Variants in GPNMB observed in about 807,000 individuals in gnomAD.
The protein encoded by GPNMB is transmembrane glycoprotein NMB.
Under a neutral mutation model 57.3 loss-of-function variants are expected in GPNMB, and 71 were observed. That is an observed-to-expected ratio of 1.24 (90% CI 1.02 to 1.51). The LOEUF (loss-of-function observed/expected upper bound fraction) is 1.51. GPNMB is among the 40% of genes most tolerant of loss of function. GPNMB has a pLI of 0.00. For missense variants in GPNMB, 677 were observed against 691.9 expected, an observed-to-expected ratio of 0.98 and a Z score of 0.24; for synonymous variants, 253 against 263.2, an observed-to-expected ratio of 0.96 and a Z score of 0.38.
At chr7:23,268,102 T>A in intron 8 of GPNMB, 114 bp downstream of exon 8, 3 of 692,472 alleles carry the variant, frequency 4.3e-6, no homozygotes, top group Non-Finnish European at 2.6e-6. Flanking sequence ...TCCTATTGAT[T>A]TGAATTCCTA....
Position 23,270,142 on chromosome 7 carries a change from C to T in GPNMB, c.1396C>T (p.Leu466Phe), listed in dbSNP as rs567337488. The change falls in exon 9 of 11, where the codon CTC (leucine) becomes TTC (phenylalanine). Residue 466 changes from leucine to phenylalanine, a missense_variant. Coordinates refer to ENST00000258733, the MANE Select transcript of GPNMB (RefSeq NM_002510.3). The stretch of plus-strand genomic sequence containing the variant: ...CCTGGGGGATGACACAAGCCTGGCT[C>T]TCACGAGCACCCTGATTTCTGTTCC... ...LTLGDDTSLA[L>F]TSTLISVPDR... 1.2e-6 allele frequency: 2 copies of T among 1,614,188 alleles called. No individual in the cohort carries two copies.
intron 7 of GPNMB, among the ~76,000 whole-genome samples, chr7:23,267,616 C>T (rs996159556): frequency 3.3e-5 from 5 of 152,132 alleles, no homozygotes; most frequent in African/African-American, 1.2e-4. Flanking sequence ...TGGCAGATAG[C>T]AGTCTTCTTG....
rs35363287 is a variant in GPNMB, at chr7:23,260,726, C to A, written c.971C>A (p.Pro324Gln). 4 of 1,592,020 alleles carry A rather than the reference C, an allele frequency of 2.5e-6. No individual in the cohort carries two copies. Among genetic ancestry groups the A allele is most frequent in the Non-Finnish European group, 2.6e-6 (3 of 1,166,038 alleles). ...TVKAAAPGPC[P>Q]PPPPPPRPSK... The stretch of plus-strand genomic sequence containing the variant: ...AAAGCTGCAGCACCAGGACCTTGTC[C>A]GCCACCGCCACCACCACCCAGACCT... The change falls in exon 6 of 11, where the codon CCG becomes CAG. Residue 324 changes from proline (P) to glutamine (Q), a missense_variant. Coordinates refer to ENST00000258733, the MANE Select transcript of GPNMB (RefSeq NM_002510.3).
Position 23,274,427 on chromosome 7 carries a change from G to A in GPNMB, c.*203G>A, listed in dbSNP as rs1343815865. 1 of 469,318 alleles carries A rather than the reference G, an allele frequency of 2.1e-6. No individual in the cohort carries two copies. Among genetic ancestry groups the A allele is most frequent in the Non-Finnish European group, 3.7e-6 (1 of 267,680 alleles). The allele number at this position is 469,318 out of a possible 1,614,324, so 29.1% of individuals were successfully genotyped here. On this transcript the variant is annotated 3_prime_UTR_variant, in exon 11 of 11. Coordinates refer to ENST00000258733, the MANE Select transcript of GPNMB (RefSeq NM_002510.3). ...GCAGCTTCAGCCATGTTGTGAAACT[G>A]ATAAAAGCAACTTAGCAAGGCTTCT...
chr7:23,247,055 A>G (rs1337066283), intron 1 of GPNMB, 128 bp downstream of exon 1: 3 of 737,760 alleles, frequency 4.1e-6, no homozygotes, highest in African/African-American at 3.4e-5. Flanking sequence ...TGGCTCACTC[A>G]TCTCTTCTTC....
intron 6 of GPNMB, among the ~76,000 whole-genome samples, chr7:23,265,398 TTC>T (rs1178199470): frequency 6.6e-6 from 1 of 152,248 alleles, no homozygotes; most frequent in Non-Finnish European, 1.5e-5. Flanking sequence ...TATCGTTATT[TTC>T]TTTCTAGATT....
In GPNMB at chr7:23,270,135, C is replaced by T; in HGVS notation, c.1389C>T (p.Ser463=). Residue 463 remains serine, a synonymous_variant, in exon 9 of 11, where the codon AGC becomes AGT. Transcript: ENST00000258733. The part of the protein sequence containing the change: ...CVNLTLGDDT[S]LALTSTLISV... Reference sequence around the variant, plus strand: ...ACCTCACCCTGGGGGATGACACAAGCCTGGCTCTCACGAGCACCCTGATTT... The same window carrying T: ...ACCTCACCCTGGGGGATGACACAAGTCTGGCTCTCACGAGCACCCTGATTT... The T allele has an allele frequency of 6.2e-7, 1 of 1,614,152 alleles. No homozygotes were observed. The highest frequency in any genetic ancestry group is 8.5e-7 in the Non-Finnish European group (1 of 1,179,998).
chr7:23,270,952 TAGG>T (rs1227211190), intron 9 of GPNMB, among the ~76,000 whole-genome samples: 1 of 152,182 alleles, frequency 6.6e-6, no homozygotes, highest in Non-Finnish European at 1.5e-5. Flanking sequence ...TGCTACGTGG[TAGG>T]ATGAAAGGGA....
At chr7:23,267,590 C>G (rs1583834488) in intron 7 of GPNMB, among the ~76,000 whole-genome samples, 4 of 152,216 alleles carry the variant, frequency 2.6e-5, no homozygotes, top group African/African-American at 9.6e-5. Context: ...TGAGGACTCA[C>G]TTCCTGGTTC....
chr7:23,269,962 CG>C lies in GPNMB; in HGVS notation c.1221-4del, dbSNP rs1443305880. ...GTGCGCCCTCGCCCACCTCCCCTGT[CG>C]CAGCATTCCCACGGAGGTCTGTACC... is the stretch of plus-strand genomic sequence containing the variant. On this transcript the variant is annotated splice_region_variant and splice_polypyrimidine_tract_variant and intron_variant, in intron 8 of 10. Transcript: ENST00000258733. 1 of 1,612,008 alleles carries C rather than the reference CG, an allele frequency of 6.2e-7. No homozygotes were observed.
At chr7:23,254,427 G>A in intron 3 of GPNMB, 115 bp downstream of exon 3, 1 of 788,444 alleles carries the variant, frequency 1.3e-6, no homozygotes, top group Non-Finnish European at 2.0e-6. Flanking sequence ...TGCACTCCAT[G>A]AGCTGGATGA....
At chr7:23,259,834 C>A in intron 4 of GPNMB, 146 bp from the exon 5 acceptor site, 1 of 643,906 alleles carries the variant, frequency 1.6e-6, no homozygotes. Context: ...TGAGCACCAT[C>A]TCCCTTTCTG....
chr7:23,252,270 T>C (rs1782677288), intron 1 of GPNMB, among the ~76,000 whole-genome samples: 1 of 152,260 alleles, frequency 6.6e-6, no homozygotes, highest in Admixed American at 6.5e-5. Context: ...GTGAATTATC[T>C]AAACCCTGCA....
At chr7:23,260,396 C>T in intron 5 of GPNMB, 60 bp from the exon 6 acceptor site, 1 of 1,321,210 alleles carries the variant, frequency 7.6e-7, no homozygotes, top group Non-Finnish European at 1.1e-6. Context: ...TCGTCGAAGC[C>T]CTCCACTTAC....
chr7:23,266,486 A>G (rs760771359), intron 6 of GPNMB, 31 bp from the exon 7 acceptor site: 1 of 1,605,078 alleles, frequency 6.2e-7, no homozygotes, highest in South Asian at 1.1e-5. Flanking sequence ...CGTAGCAACT[A>G]CTCTAAAATC....
chr7:23,256,433 G>A (rs920859426), intron 3 of GPNMB, among the ~76,000 whole-genome samples: 2 of 152,108 alleles, frequency 1.3e-5, no homozygotes, highest in Admixed American at 6.5e-5. Flanking sequence ...AACCTTGATT[G>A]GGGTGATAAT....
chr7:23,272,628 C>A (rs1035048320), intron 9 of GPNMB, among the ~76,000 whole-genome samples: 1 of 152,132 alleles, frequency 6.6e-6, no homozygotes, highest in Non-Finnish European at 1.5e-5. Context: ...CAAAGCAAAC[C>A]TATAGACTTT....
chr7:23,255,269 G>A (rs549368214), intron 3 of GPNMB, among the ~76,000 whole-genome samples: 133 of 152,172 alleles, frequency 8.7e-4, no homozygotes, highest in South Asian at 1.0e-3. Flanking sequence ...CGCCCGCCTC[G>A]GTCTCCCAAA....
At chr7:23,255,746 AT>A (rs1000555949) in intron 3 of GPNMB, among the ~76,000 whole-genome samples, 6 of 152,000 alleles carry the variant, frequency 3.9e-5, no homozygotes, top group African/African-American at 1.5e-4. Flanking sequence ...TTTTTGATTA[AT>A]TTTTTTATTG....
Sources: gnomAD v4.1 joint callset for allele counts (sites outside exome capture counted in the v4.1 genomes callset) on GRCh38, gnomAD v4.1.1 for gene constraint, MANE v1.5 for transcripts, NCBI Gene and HGNC (gene_info 2026-07-23, HGNC 2026-07-21) for gene names.